Variants in LRFN5 observed in about 807,000 individuals in gnomAD.
LRFN5 encodes leucine rich repeat and fibronectin type III domain containing 5, also known as leucine-rich repeat and fibronectin type-III domain-containing protein 5.
A neutral mutation model predicts 45.6 loss-of-function variants in LRFN5; 24 were observed. The observed-to-expected ratio is 0.53, with a 90% CI of 0.38 to 0.74. The LOEUF (loss-of-function observed/expected upper bound fraction) is 0.74. Among genes scored for constraint, LRFN5 ranks in the 30% least tolerant of loss-of-function variants. The pLI is 0.00. For missense variants in LRFN5, 776 were observed against 861.5 expected (o/e 0.90, Z 1.24); for synonymous variants, 340 against 313.8 (o/e 1.08, Z -0.88).
rs986450397 is a variant in LRFN5, at chr14:41,736,968, G to GA, written c.-196-29877dup. Among the ~76,000 whole-genome samples, 241 of 150,500 alleles carry GA rather than the reference G, an allele frequency of 1.6e-3. 1 individual carries two copies. Among genetic ancestry groups the GA allele is most frequent in the African/African-American group, 5.4e-3 (222 of 41,072 alleles). Reference sequence around the variant, plus strand: ...CCTTCTGAAACTATTCCAAACAATAGAAAAAAAAAGGAATCCTCTCTAACT... The same window carrying GA: ...CCTTCTGAAACTATTCCAAACAATAGAAAAAAAAAAGGAATCCTCTCTAACT... On this transcript the variant is annotated intron_variant, in intron 1 of 5. Transcript: ENST00000298119.
chr14:41,743,601 G>A (rs1026655283), intron 1 of LRFN5, among the ~76,000 whole-genome samples: 36 of 152,224 alleles, frequency 2.4e-4, no homozygotes, highest in African/African-American at 8.0e-4. Flanking sequence ...ATAAACTTCA[G>A]TGTTGTATTC....
At chr14:41,805,773 A>T (rs1041923959) in intron 2 of LRFN5, among the ~76,000 whole-genome samples, 1 of 152,184 alleles carries the variant, frequency 6.6e-6, no homozygotes, top group African/African-American at 2.4e-5. Context: ...GATACGTTAG[A>T]ACAGGAAGAT....
At chr14:41,858,856 TACTCTAGA>T (rs1358485186) in intron 2 of LRFN5, among the ~76,000 whole-genome samples, 1 of 152,184 alleles carries the variant, frequency 6.6e-6, no homozygotes, top group African/African-American at 2.4e-5. Flanking sequence ...TCATCTGGTT[TACTCTAGA>T]ACTCCCCACT....
intron 1 of LRFN5, among the ~76,000 whole-genome samples, chr14:41,713,241 G>A (rs1047635128): frequency 1.3e-5 from 2 of 152,046 alleles, no homozygotes; most frequent in Non-Finnish European, 2.9e-5. Context: ...AAAACAGTCT[G>A]TTAGTAATTT....
At chr14:41,724,029 T>A (rs73305581) in intron 1 of LRFN5, among the ~76,000 whole-genome samples, 6,807 of 152,216 alleles carry the variant, frequency 0.045, 337 homozygotes, top group African/African-American at 0.12. Flanking sequence ...TGTTCTCCCT[T>A]GGCCTCGAAT....
intron 2 of LRFN5, among the ~76,000 whole-genome samples, chr14:41,783,975 C>CT (rs1033711471): frequency 6.6e-6 from 1 of 152,032 alleles, no homozygotes; most frequent in African/African-American, 2.4e-5. Context: ...CTTAATGCTG[C>CT]TTTCCACAAG....
At chr14:41,856,501 G>T (rs1365289910) in intron 2 of LRFN5, among the ~76,000 whole-genome samples, 1 of 151,664 alleles carries the variant, frequency 6.6e-6, no homozygotes, top group Non-Finnish European at 1.5e-5. Context: ...AGTAATGGAA[G>T]AAAAAACTTA....
intron 4 of LRFN5, among the ~76,000 whole-genome samples, chr14:41,895,707 T>G (rs960172868): frequency 7.0e-6 from 1 of 143,198 alleles, no homozygotes; most frequent in Non-Finnish European, 1.5e-5. Context: ...TTATTTCCCC[T>G]TTTTTTTTTT....
At chr14:41,693,223 C>T (rs1275376505) in intron 1 of LRFN5, among the ~76,000 whole-genome samples, 3 of 152,008 alleles carry the variant, frequency 2.0e-5, no homozygotes, top group African/African-American at 4.8e-5. Context: ...TCTTTTAGGT[C>T]ATTTGCATTT....
chr14:41,653,566 G>A (rs571214317), intron 1 of LRFN5, among the ~76,000 whole-genome samples: 1 of 152,278 alleles, frequency 6.6e-6, no homozygotes, highest in African/African-American at 2.4e-5. Context: ...AACAAAGTAT[G>A]TAGAGGGAGA....
At chr14:41,681,804 A>C (rs1881900666) in intron 1 of LRFN5, among the ~76,000 whole-genome samples, 1 of 91,472 alleles carries the variant, frequency 1.1e-5, no homozygotes. Context: ...TATTTTATTT[A>C]TTTATTTATT....
chr14:41,814,026 A>G (rs781398998), intron 2 of LRFN5, among the ~76,000 whole-genome samples: 1 of 151,918 alleles, frequency 6.6e-6, no homozygotes, highest in Non-Finnish European at 1.5e-5. Flanking sequence ...TTTTTCTTGT[A>G]AATGTGTTTA....
intron 1 of LRFN5, among the ~76,000 whole-genome samples, chr14:41,746,222 T>C (rs7145349): frequency 7.9e-5 from 12 of 151,852 alleles, no homozygotes; most frequent in African/African-American, 2.7e-4. Flanking sequence ...TTCACTGTAA[T>C]ATACCACATA....
intron 2 of LRFN5, among the ~76,000 whole-genome samples, chr14:41,781,655 A>AAG (rs1886527587): frequency 2.0e-5 from 3 of 151,190 alleles, no homozygotes; most frequent in African/African-American, 7.3e-5. Context: ...AAGAGAAAGA[A>AAG]AGAAAGAAAG....
intron 1 of LRFN5, among the ~76,000 whole-genome samples, chr14:41,738,067 G>A (rs1236555999): frequency 6.6e-6 from 1 of 152,140 alleles, no homozygotes; most frequent in Non-Finnish European, 1.5e-5. Flanking sequence ...AACAAAGCTG[G>A]AGGCATCACA....
At chr14:41,718,824 G>A (rs1883596778) in intron 1 of LRFN5, among the ~76,000 whole-genome samples, 1 of 152,156 alleles carries the variant, frequency 6.6e-6, no homozygotes, top group African/African-American at 2.4e-5. Context: ...CTGGTGATAG[G>A]TACTGCTTTA....
chr14:41,712,938 A>G (rs1386144238), intron 1 of LRFN5, among the ~76,000 whole-genome samples: 2 of 152,138 alleles, frequency 1.3e-5, no homozygotes, highest in Non-Finnish European at 2.9e-5. Context: ...ATTATTTTCC[A>G]TGAAAAATAA....
intron 2 of LRFN5, among the ~76,000 whole-genome samples, chr14:41,848,719 A>T (rs938548119): frequency 1.3e-5 from 2 of 152,072 alleles, no homozygotes; most frequent in African/African-American, 4.8e-5. Context: ...TTCATAGATT[A>T]CCAGGACTGA....
chr14:41,705,339 G>T (rs574027233), intron 1 of LRFN5, among the ~76,000 whole-genome samples: 5 of 152,142 alleles, frequency 3.3e-5, no homozygotes, highest in Non-Finnish European at 5.9e-5. Flanking sequence ...GTTCTAGATT[G>T]TGAAAATTCT....
Sources: allele counts gnomAD v4.1 joint callset (sites outside exome capture counted in the v4.1 genomes callset), GRCh38; gene constraint gnomAD v4.1.1; transcripts MANE v1.5; gene names NCBI Gene and HGNC (gene_info 2026-07-23, HGNC 2026-07-21).